Variants in ARID5B observed in about 807,000 individuals in gnomAD.
ARID5B encodes the protein AT-rich interaction domain 5B, also known as AT-rich interactive domain-containing protein 5B.
Under a neutral mutation model 97.2 loss-of-function variants are expected in ARID5B, and 13 were observed. The ratio of observed to expected loss-of-function variants is 0.13; its 90% CI spans 0.09 to 0.21. The LOEUF is 0.21. Among genes scored for constraint, ARID5B ranks in the 10% least tolerant of loss-of-function variants. The pLI is 1.00. For missense variants in ARID5B, 1,210 were observed against 1,465.3 expected (o/e 0.83, Z 2.84); for synonymous variants, 556 against 570.3 (o/e 0.97, Z 0.36).
At chr10:61,976,401 A>G (rs145151505) in intron 3 of ARID5B, among the ~76,000 whole-genome samples, 5 of 152,308 alleles carry the variant, frequency 3.3e-5, no homozygotes, top group Non-Finnish European at 5.9e-5. Flanking sequence ...CCAGTTTGGA[A>G]GGTAAAGTGG....
chr10:61,957,591 T>C (rs990180775), intron 3 of ARID5B, among the ~76,000 whole-genome samples: 7 of 152,362 alleles, frequency 4.6e-5, no homozygotes, highest in Admixed American at 2.6e-4. Context: ...TTAACTGTCA[T>C]ATATTTAGCA....
chr10:61,920,763 A>G (rs1358912296), intron 2 of ARID5B, among the ~76,000 whole-genome samples: 1 of 152,206 alleles, frequency 6.6e-6, no homozygotes, highest in East Asian at 1.9e-4. Flanking sequence ...ATTAAATTCA[A>G]TCAATATTTA....
chr10:61,928,688 T>C (rs930353364), intron 2 of ARID5B, among the ~76,000 whole-genome samples: 2 of 152,208 alleles, frequency 1.3e-5, no homozygotes, highest in Admixed American at 6.5e-5. Context: ...CAAGTTTAGC[T>C]TAATGAAGCT....
intron 3 of ARID5B, among the ~76,000 whole-genome samples, chr10:61,987,957 T>G (rs1447631775): frequency 6.6e-6 from 1 of 152,164 alleles, no homozygotes; most frequent in Non-Finnish European, 1.5e-5. Flanking sequence ...AAAGGGGATA[T>G]TTGCTGTGGA....
In ARID5B at chr10:61,938,883, G is replaced by GA. The variant is rs55672929; in HGVS notation, c.277-1287dup. Among the ~76,000 whole-genome samples the GA allele has an allele frequency of 3.0e-3, 407 of 136,190 alleles. 3 individuals are homozygous for GA. Among genetic ancestry groups the GA allele is most frequent in the Non-Finnish European group, 4.0e-3 (256 of 64,000 alleles). 89.3% of individuals were successfully genotyped at this position (136,190 alleles called of 152,430 possible). A position where few individuals can be genotyped will look rare whatever the true frequency, so the allele number is the denominator to read the frequency against. On this transcript the variant is annotated intron_variant, in intron 2 of 9. Coordinates refer to ENST00000279873, the MANE Select transcript of ARID5B (RefSeq NM_032199.3). ...TTTTAGATCCTACCTTAAAACATCA[G>GA]AAAAAAAAAAAAACCCTCAACCCAG...
At chr10:61,974,151 ACAACAAG>A (rs1838668408) in intron 3 of ARID5B, among the ~76,000 whole-genome samples, 3 of 152,238 alleles carry the variant, frequency 2.0e-5, no homozygotes, top group Admixed American at 2.0e-4. Context: ...AGAGGTTTTG[ACAACAAG>A]CAGGATATGA....
intron 6 of ARID5B, among the ~76,000 whole-genome samples, 186 bp downstream of exon 6, chr10:62,057,504 C>T (rs925103951): frequency 3.3e-5 from 5 of 152,090 alleles, no homozygotes; most frequent in South Asian, 2.1e-4. Context: ...ACATTGTTCC[C>T]TTCTGGGACA....
At chr10:62,020,036 C>T (rs540782820) in intron 4 of ARID5B, among the ~76,000 whole-genome samples, 1 of 152,250 alleles carries the variant, frequency 6.6e-6, no homozygotes, top group African/African-American at 2.4e-5. Context: ...CCCTGCCTTA[C>T]ATTCAAAGAG....
At chr10:62,084,173 T>C (rs1364683703) in intron 8 of ARID5B, among the ~76,000 whole-genome samples, 1 of 152,228 alleles carries the variant, frequency 6.6e-6, no homozygotes, top group Admixed American at 6.5e-5. Flanking sequence ...TCACGCCTCC[T>C]TGCTCATACC....
intron 3 of ARID5B, among the ~76,000 whole-genome samples, chr10:61,975,536 G>A (rs1838687316): frequency 6.6e-6 from 1 of 152,086 alleles, no homozygotes; most frequent in African/African-American, 2.4e-5. Context: ...ACAAGTCACT[G>A]AGTCTCCGAT....
At chr10:61,923,352 C>T (rs1008019845) in intron 2 of ARID5B, among the ~76,000 whole-genome samples, 1 of 152,152 alleles carries the variant, frequency 6.6e-6, no homozygotes, top group Non-Finnish European at 1.5e-5. Flanking sequence ...ACCCCTTGCC[C>T]CATCAATGCC....
chr10:62,075,945 T>C (rs945185515), intron 8 of ARID5B, among the ~76,000 whole-genome samples: 3 of 152,230 alleles, frequency 2.0e-5, no homozygotes, highest in Non-Finnish European at 4.4e-5. Flanking sequence ...TCGGTGTTTT[T>C]TGGACATCTG....
rs1187406689 is a variant in ARID5B at position 62,058,878 on chromosome 10, A to T, written c.1049-365A>T. On this transcript the variant is annotated intron_variant, in intron 6 of 9. Coordinates refer to ENST00000279873, the MANE Select transcript of ARID5B (RefSeq NM_032199.3). Reference sequence around the variant, plus strand: ...AGCTCTATATATTACTGTTTAATCAATGGCGTCTAAGGGTCGAACAAGACC... The same window carrying T: ...AGCTCTATATATTACTGTTTAATCATTGGCGTCTAAGGGTCGAACAAGACC... Among the ~76,000 whole-genome samples, 4 of 152,316 alleles carry T rather than the reference A, an allele frequency of 2.6e-5. No individual in the cohort carries two copies. In the East Asian group the frequency reaches 7.7e-4, roughly 29 times the overall value.
intron 3 of ARID5B, among the ~76,000 whole-genome samples, chr10:61,951,935 G>A (rs970380937): frequency 6.6e-6 from 1 of 151,750 alleles, no homozygotes; most frequent in Non-Finnish European, 1.5e-5. Context: ...TTACAGAGGT[G>A]TTTCATACTT....
intron 4 of ARID5B, among the ~76,000 whole-genome samples, chr10:62,014,897 A>G (rs930430948): frequency 1.3e-5 from 2 of 152,120 alleles, no homozygotes; most frequent in Non-Finnish European, 2.9e-5. Context: ...GGTATATGAA[A>G]CCTCAGATTA....
rs556322324 is a variant in ARID5B, at chr10:61,942,557, C to T, written c.502+2149C>T. On this transcript the variant is annotated intron_variant, in intron 3 of 9. Coordinates refer to ENST00000279873, the MANE Select transcript of ARID5B (RefSeq NM_032199.3). ...CTGTAATCCCAGCACTTTGGGAGGC[C>T]GAGGCAGGTGGATCACCTGAGGTCA... is the stretch of plus-strand genomic sequence containing the variant. Among the ~76,000 whole-genome samples, 7 of 152,140 alleles carry T rather than the reference C, an allele frequency of 4.6e-5. No homozygotes were observed. The South Asian group carries it at 1.2e-3, about 27-fold the overall frequency.
chr10:62,043,829 G>A (rs1210708404), intron 4 of ARID5B, among the ~76,000 whole-genome samples: 2 of 152,136 alleles, frequency 1.3e-5, no homozygotes, highest in Non-Finnish European at 2.9e-5. Context: ...AGTAAGACTG[G>A]GCATGTATTG....
intron 3 of ARID5B, among the ~76,000 whole-genome samples, chr10:61,957,274 TG>T (rs1232432466): frequency 2.0e-5 from 3 of 152,230 alleles, no homozygotes; most frequent in Non-Finnish European, 4.4e-5. Flanking sequence ...CTTGTTTTTT[TG>T]TTGTTGTTGT....
At chr10:62,075,045 T>G (rs1255557994) in intron 8 of ARID5B, among the ~76,000 whole-genome samples, 1 of 152,224 alleles carries the variant, frequency 6.6e-6, no homozygotes, top group African/African-American at 2.4e-5. Context: ...AAAACTCGTC[T>G]TTCACCCAGG....
Sources: allele counts gnomAD v4.1 joint callset (sites outside exome capture counted in the v4.1 genomes callset), GRCh38; gene constraint gnomAD v4.1.1; transcripts MANE v1.5; gene names NCBI Gene and HGNC (gene_info 2026-07-23, HGNC 2026-07-21).